MRM1: variants seen among roughly 807,000 people sequenced by gnomAD.
MRM1 encodes rRNA methyltransferase 1, mitochondrial.
Under a neutral mutation model 25.0 loss-of-function variants are expected in MRM1, and 24 were observed. The ratio of observed to expected loss-of-function variants is 0.96; its 90% CI spans 0.69 to 1.35. MRM1 has a LOEUF of 1.35. Among genes scored for constraint, MRM1 ranks in the 40% most tolerant of loss-of-function variants. MRM1 has a pLI of 0.00. For missense variants in MRM1, 431 were observed against 464.1 expected, an observed-to-expected ratio of 0.93 and a Z score of 0.65; for synonymous variants, 188 against 199.2, an observed-to-expected ratio of 0.94 and a Z score of 0.47.
chr17:36,602,003 G>T lies in MRM1; in HGVS notation c.193G>T (p.Ala65Ser), dbSNP rs540283096. The change falls in exon 1 of 5, where the codon GCC becomes TCC. Residue 65 changes from alanine to serine, a missense_variant. Coordinates refer to ENST00000614766, the MANE Select transcript of MRM1 (RefSeq NM_024864.5). The surrounding 1 kb of genome is among the most constrained non-coding windows in gnomAD (Gnocchi z 4.1). ...CCCGTGTCTCCTGGCTCTGCAGGCC[G>T]CCCGCCGCTCTGTGGCCCGGCTCCT... is the stretch of plus-strand genomic sequence containing the variant. ...MTPCLLALQA[A>S]RRSVARLLLQ... The T allele has an allele frequency of 3.0e-5, 48 of 1,605,632 alleles. No homozygotes were observed. The South Asian group carries it at 4.2e-4, about 14-fold the overall frequency.
downstream of MRM1, among the ~76,000 whole-genome samples, chr17:36,612,369 T>G (rs2074982000): frequency 6.6e-6 from 1 of 152,176 alleles, no homozygotes; most frequent in African/African-American, 2.4e-5. Flanking sequence ...TGTGCTAATT[T>G]CTGGTATACA....
downstream of MRM1, among the ~76,000 whole-genome samples, chr17:36,610,568 A>G (rs1291083307): frequency 6.6e-6 from 1 of 151,972 alleles, no homozygotes; most frequent in African/African-American, 2.4e-5. Context: ...TCCTCTCAAG[A>G]AAGAGGACAG....
chr17:36,614,072 C>T, the MRM1 span, among the ~76,000 whole-genome samples: 110 of 151,778 alleles, frequency 7.2e-4, no homozygotes, highest in African/African-American at 2.2e-3. Flanking sequence ...CTTTTCAATG[C>T]GATGATGACG....
the MRM1 span, among the ~76,000 whole-genome samples, chr17:36,620,199 G>A: frequency 6.7e-6 from 1 of 149,070 alleles, no homozygotes; most frequent in South Asian, 2.1e-4. Flanking sequence ...ACATTTTGAT[G>A]TAATCCTATT....
the MRM1 span, among the ~76,000 whole-genome samples, chr17:36,633,353 G>T: frequency 2.0e-5 from 3 of 152,214 alleles, no homozygotes; most frequent in East Asian, 3.9e-4. Context: ...TCAGCTTGGC[G>T]TCTGGGGCCC....
chr17:36,631,324 A>G, the MRM1 span, among the ~76,000 whole-genome samples: 2 of 152,248 alleles, frequency 1.3e-5, no homozygotes, highest in African/African-American at 2.4e-5. Context: ...TGTAAACTAC[A>G]TCACACACAG....
rs1012822462 is a variant in MRM1, at chr17:36,602,051, C to T, written c.241C>T (p.Leu81=). The change falls in exon 1 of 5, where the codon CTG becomes TTG. Residue 81 remains leucine, a synonymous_variant. Transcript: ENST00000614766. This position sits in a 1 kb window ranked among gnomAD's most constrained non-coding sequence, Gnocchi z 4.1. Reference sequence around the variant, plus strand: ...CCTGCTCCAGGCGGGTAAAGCTGGGCTGCAGGGGAAGCGGGCCGAGCTGCT... The same window carrying T: ...CCTGCTCCAGGCGGGTAAAGCTGGGTTGCAGGGGAAGCGGGCCGAGCTGCT... ...RLLLQAGKAG[L]QGKRAELLRM... is the part of the protein sequence containing the mutation. 1 of 1,610,246 alleles carries T rather than the reference C, an allele frequency of 6.2e-7. No homozygotes were observed. Among genetic ancestry groups the T allele is most frequent in the Non-Finnish European group, 8.5e-7 (1 of 1,179,044 alleles).
downstream of MRM1, among the ~76,000 whole-genome samples, chr17:36,611,951 C>T (rs961943616): frequency 1.6e-5 from 2 of 121,962 alleles, no homozygotes; most frequent in African/African-American, 3.9e-5. Context: ...CTTGAACACA[C>T]GCACAGTTGT....
the MRM1 span, chr17:36,634,359 CA>C: frequency 0.033 from 5,094 of 152,286 alleles, 125 homozygotes; most frequent in Non-Finnish European, 0.054. Context: ...ACACTGGGCC[CA>C]GGGGTGTTGA....
chr17:36,626,444 A>C, the MRM1 span, among the ~76,000 whole-genome samples: 6 of 151,366 alleles, frequency 4.0e-5, no homozygotes, highest in Admixed American at 3.9e-4. Context: ...CTCACTGCAA[A>C]CTCCACCTCC....
downstream of MRM1, among the ~76,000 whole-genome samples, chr17:36,612,007 T>G (rs571701487): frequency 3.0e-4 from 45 of 152,324 alleles, no homozygotes; most frequent in African/African-American, 1.1e-3. Flanking sequence ...AAAATGAATG[T>G]AGGCGTCCCA....
At chr17:36,629,983 TG>T in the MRM1 span, among the ~76,000 whole-genome samples, 1 of 152,160 alleles carries the variant, frequency 6.6e-6, no homozygotes, top group African/African-American at 2.4e-5. Context: ...CAGCTTTGCT[TG>T]GAGAGCAAGA....
At chr17:36,632,188 C>A in the MRM1 span, among the ~76,000 whole-genome samples, 1 of 152,132 alleles carries the variant, frequency 6.6e-6, no homozygotes, top group Admixed American at 6.5e-5. Flanking sequence ...GCTCCTGGTA[C>A]CTGCTTACCT....
downstream of MRM1, among the ~76,000 whole-genome samples, chr17:36,612,842 T>C (rs2074984888): frequency 6.6e-6 from 1 of 152,044 alleles, no homozygotes; most frequent in South Asian, 2.1e-4. Context: ...TGGAGGAGCA[T>C]GGTAGCTGCT....
chr17:36,602,010 G>T lies in MRM1; in HGVS notation c.200G>T (p.Arg67Leu), dbSNP rs765570711. Residue 67 changes from arginine (R) to leucine (L), a missense_variant, in exon 1 of 5, where the codon CGC becomes CTC. Arg to Leu is a moderately radical substitution (Grantham distance 102, BLOSUM62 -2). Coordinates refer to ENST00000614766, the MANE Select transcript of MRM1 (RefSeq NM_024864.5). The surrounding 1 kb of genome is among the most constrained non-coding windows in gnomAD (Gnocchi z 4.1). ...PCLLALQAAR[R>L]SVARLLLQAG... The stretch of plus-strand genomic sequence containing the variant: ...CTCCTGGCTCTGCAGGCCGCCCGCC[G>T]CTCTGTGGCCCGGCTCCTGCTCCAG... The T allele has an allele frequency of 6.2e-7, 1 of 1,611,422 alleles. No individual in the cohort carries two copies. The highest frequency in any genetic ancestry group is 1.1e-5 in the South Asian group (1 of 90,988).
downstream of MRM1, among the ~76,000 whole-genome samples, chr17:36,610,662 C>G (rs973187210): frequency 1.3e-5 from 2 of 152,214 alleles, no homozygotes; most frequent in African/African-American, 4.8e-5. Flanking sequence ...TGACCCATCC[C>G]TGCTTCATTC....
the MRM1 span, among the ~76,000 whole-genome samples, chr17:36,625,398 TTCTTCC>T: frequency 1.7e-5 from 2 of 118,728 alleles, no homozygotes; most frequent in Non-Finnish European, 3.5e-5. Flanking sequence ...TTCGTCTTCT[TTCTTCC>T]TCTTCCTCTT....
At chr17:36,631,262 C>T in the MRM1 span, among the ~76,000 whole-genome samples, 1 of 152,322 alleles carries the variant, frequency 6.6e-6, no homozygotes, top group South Asian at 2.1e-4. Context: ...CCTGTTACCA[C>T]GGGACCCTGT....
At chr17:36,625,482 T>TTTTTTTTTTTA in the MRM1 span, among the ~76,000 whole-genome samples, 1 of 147,584 alleles carries the variant, frequency 6.8e-6, no homozygotes, top group African/African-American at 2.5e-5. Context: ...TTTTTTTTTT[T>TTTTTTTTTTTA]GAGAAAGAGT....
Sources: gnomAD v4.1 joint callset for allele counts (sites outside exome capture counted in the v4.1 genomes callset) on GRCh38, gnomAD v4.1.1 for gene constraint, Gnocchi (gnomAD v3.1) non-coding constraint, MANE v1.5 for transcripts, NCBI Gene and HGNC (gene_info 2026-07-23, HGNC 2026-07-21) for gene names.